PRDM16: variants seen among roughly 807,000 people sequenced by gnomAD.
PRDM16 encodes histone-lysine N-methyltransferase PRDM16.
In PRDM16, 23 loss-of-function variants were observed where a neutral mutation model predicts 110.6. That is an observed-to-expected ratio of 0.21 (90% CI 0.15 to 0.29). The LOEUF is 0.29. Ranked by LOEUF, PRDM16 falls within the 10% of genes least tolerant of loss-of-function variation. The pLI is 1.00. For synonymous variants in PRDM16, 799 were observed against 781.8 expected, an observed-to-expected ratio of 1.02 and a Z score of -0.37; for missense variants, 1,615 against 1,794.3, an observed-to-expected ratio of 0.90 and a Z score of 1.81.
Position 3,354,635 on chromosome 1 carries a change from G to A in PRDM16, c.439-30517G>A, listed in dbSNP as rs538688782. 1.6e-4 allele frequency among the ~76,000 whole-genome samples: 24 copies of A among 152,230 alleles called. 1 individual carries two copies. Among genetic ancestry groups the A allele is most frequent in the Admixed American group, 1.3e-3 (20 of 15,304 alleles). On this transcript the variant is annotated intron_variant, in intron 3 of 16. Coordinates refer to ENST00000270722, the MANE Select transcript of PRDM16 (RefSeq NM_022114.4). Reference sequence around the variant, plus strand: ...CCTTCTCCAGGCTGGGGTGTCTGGTGTTCCAGCTCTGTGCTGCTGGGGTGT... The same window carrying A: ...CCTTCTCCAGGCTGGGGTGTCTGGTATTCCAGCTCTGTGCTGCTGGGGTGT...
chr1:3,157,248 A>G lies in PRDM16; in HGVS notation c.38-28877A>G, dbSNP rs531965199. 1.3e-5 allele frequency among the ~76,000 whole-genome samples: 2 copies of G among 152,304 alleles called. No individual in the cohort carries two copies. The highest frequency in any genetic ancestry group is 4.1e-4 in the South Asian group (2 of 4,826). ...CAGGGAGCGTGGCCAGATCCGGCAGATGAAATCCAGGACACCCAGTTCAAT... is the reference window on the plus strand; with the variant it reads ...CAGGGAGCGTGGCCAGATCCGGCAGGTGAAATCCAGGACACCCAGTTCAAT... On this transcript the variant is annotated intron_variant, in intron 1 of 16. Coordinates refer to ENST00000270722, the MANE Select transcript of PRDM16 (RefSeq NM_022114.4). This position sits in a 1 kb window ranked among gnomAD's most constrained non-coding sequence, Gnocchi z 4.8.
At chr1:3,222,024 G>T (rs572162289) in intron 2 of PRDM16, among the ~76,000 whole-genome samples, 1 of 152,206 alleles carries the variant, frequency 6.6e-6, no homozygotes, top group East Asian at 1.9e-4. Flanking sequence ...CCTGGAGGGC[G>T]TCCACTGCTC....
intron 1 of PRDM16, among the ~76,000 whole-genome samples, chr1:3,141,323 G>C (rs1267292694): frequency 5.9e-5 from 9 of 152,172 alleles, no homozygotes. Context: ...ATCTCGCTGG[G>C]CTGGGCGGTA....
intron 1 of PRDM16, among the ~76,000 whole-genome samples, chr1:3,168,771 T>A (rs1261571093): frequency 1.3e-5 from 2 of 152,224 alleles, no homozygotes; most frequent in East Asian, 3.9e-4. Flanking sequence ...ACCTGCCACC[T>A]GCCCGGCCCA....
chr1:3,150,905 G>T (rs1288844591), intron 1 of PRDM16, among the ~76,000 whole-genome samples: 1 of 117,804 alleles, frequency 8.5e-6, no homozygotes, highest in Non-Finnish European at 1.8e-5. Flanking sequence ...GAAACGGGGG[G>T]GCTGGTCCTA....
At chr1:3,094,713 C>T (rs1642354932) in intron 1 of PRDM16, among the ~76,000 whole-genome samples, 1 of 152,218 alleles carries the variant, frequency 6.6e-6, no homozygotes, top group Non-Finnish European at 1.5e-5. Flanking sequence ...TGAGCACCGG[C>T]CCAGCAAGCA....
At chr1:3,089,966 C>T (rs1410056366) in intron 1 of PRDM16, among the ~76,000 whole-genome samples, 2 of 152,160 alleles carry the variant, frequency 1.3e-5, no homozygotes, top group African/African-American at 2.4e-5. Flanking sequence ...TGACTTTTTA[C>T]GGGTGGTCCC....
intron 1 of PRDM16, among the ~76,000 whole-genome samples, chr1:3,158,218 C>T (rs1416667205): frequency 6.6e-6 from 1 of 152,160 alleles, no homozygotes; most frequent in East Asian, 1.9e-4. Context: ...GAGTCACGCT[C>T]TCCATCAACA....
At chr1:3,111,634 AGGTCAGGGGCGCACGCCCCCTG>A (rs1360785333) in intron 1 of PRDM16, among the ~76,000 whole-genome samples, 6 of 152,038 alleles carry the variant, frequency 3.9e-5, no homozygotes, top group African/African-American at 1.4e-4. Flanking sequence ...AAGGAGGCGC[AGGTCAGGGGCGCACGCCCCCTG>A]GGGCGGGGGC....
intron 15 of PRDM16, among the ~76,000 whole-genome samples, chr1:3,431,315 C>G (rs1341100444): frequency 6.6e-6 from 1 of 152,138 alleles, no homozygotes; most frequent in Non-Finnish European, 1.5e-5. Flanking sequence ...CCCACCCACC[C>G]CCAGGGGCCC....
intron 2 of PRDM16, among the ~76,000 whole-genome samples, chr1:3,224,714 G>C (rs1048282272): frequency 1.3e-5 from 2 of 152,236 alleles, no homozygotes; most frequent in African/African-American, 2.4e-5. Context: ...CCACAGCCTG[G>C]ATAAAAGATA....
At chr1:3,420,246 C>T (rs538729086) in intron 12 of PRDM16, among the ~76,000 whole-genome samples, 6 of 152,294 alleles carry the variant, frequency 3.9e-5, no homozygotes, top group South Asian at 4.1e-4. Flanking sequence ...GGGTTTGGAG[C>T]GTGTAGCTTT....
At chr1:3,349,457 C>T (rs1642434423) in intron 3 of PRDM16, among the ~76,000 whole-genome samples, 1 of 152,186 alleles carries the variant, frequency 6.6e-6, no homozygotes, top group Admixed American at 6.5e-5. Context: ...GTCTGCACTG[C>T]CCGTCTCCAC....
At chr1:3,194,863 C>T (rs1638424924) in intron 2 of PRDM16, among the ~76,000 whole-genome samples, 1 of 152,226 alleles carries the variant, frequency 6.6e-6, no homozygotes, top group Admixed American at 6.5e-5. Flanking sequence ...CTGCCCACAC[C>T]ACCCCCACGG....
intron 1 of PRDM16, among the ~76,000 whole-genome samples, chr1:3,079,199 G>A (rs953889529): frequency 3.9e-5 from 6 of 152,240 alleles, no homozygotes; most frequent in South Asian, 2.1e-4. Context: ...CTGTGCTCCC[G>A]AGTGAAGGCC....
intron 1 of PRDM16, among the ~76,000 whole-genome samples, chr1:3,125,695 T>C (rs1468133756): frequency 6.6e-6 from 1 of 152,252 alleles, no homozygotes; most frequent in East Asian, 1.9e-4. Context: ...AGCTCAGCCG[T>C]GTTTGCTGTC....
At chr1:3,281,129 G>A (rs1640703741) in intron 3 of PRDM16, among the ~76,000 whole-genome samples, 1 of 152,246 alleles carries the variant, frequency 6.6e-6, no homozygotes, top group African/African-American at 2.4e-5. Context: ...CAAGAAGCTT[G>A]AGAAACTGGG....
chr1:3,159,631 T>G (rs774308783), intron 1 of PRDM16, among the ~76,000 whole-genome samples: 12 of 152,080 alleles, frequency 7.9e-5, no homozygotes, highest in Admixed American at 6.5e-5. Context: ...AGGTGTGAAT[T>G]TGGGAGGACA....
chr1:3,386,580 A>G (rs1428242410), intron 4 of PRDM16: 1 of 83,418 alleles, frequency 1.2e-5, no homozygotes, highest in Non-Finnish European at 2.3e-5. Context: ...TGTTTAAAAT[A>G]ACTTTTTCTG....
Sources: allele counts gnomAD v4.1 joint callset (sites outside exome capture counted in the v4.1 genomes callset), GRCh38; gene constraint gnomAD v4.1.1; non-coding constraint Gnocchi (gnomAD v3.1); transcripts MANE v1.5; gene names NCBI Gene and HGNC (gene_info 2026-07-23, HGNC 2026-07-21).